The following HDAC9 variants were observed in gnomAD, a reference collection of about 807,000 sequenced individuals.
The protein encoded by HDAC9 is histone deacetylase 9.
In HDAC9, 41 loss-of-function variants were observed where a neutral mutation model predicts 139.4. The ratio of observed to expected loss-of-function variants is 0.29; its 90% CI spans 0.23 to 0.38. The LOEUF is 0.38. HDAC9 is among the 10% of genes least tolerant of loss of function. The pLI, the probability that HDAC9 is intolerant of heterozygous loss-of-function variation, is 1.00. For missense variants in HDAC9, 1,147 were observed against 1,297.0 expected (o/e 0.88, Z 1.78); for synonymous variants, 517 against 476.2 (o/e 1.09, Z -1.12).
chr7:18,131,585 A>G (rs1235807264), intron 1 of HDAC9, among the ~76,000 whole-genome samples: 1 of 152,180 alleles, frequency 6.6e-6, no homozygotes, highest in Non-Finnish European at 1.5e-5. Context: ...CTTCTGAAAT[A>G]AATTGTAGAG....
At chr7:18,247,004 C>G (rs780204738) in intron 2 of HDAC9, among the ~76,000 whole-genome samples, 23 of 151,990 alleles carry the variant, frequency 1.5e-4, no homozygotes, top group Non-Finnish European at 2.1e-4. Context: ...CTAACGTGAG[C>G]AACTGGAAGG....
Position 18,713,090 on chromosome 7 carries a change from G to A in HDAC9, c.1732-14490G>A, listed in dbSNP as rs997958502. ...GTAACTGAAGTTAACATAACTTGAC[G>A]CAAAAGCAATGCAAGTTGTATAGCA... On this transcript the variant is annotated intron_variant, in intron 12 of 25. Transcript: ENST00000686413. Among the ~76,000 whole-genome samples, 16 of 152,142 alleles carry A rather than the reference G, an allele frequency of 1.1e-4. No individual in the cohort carries two copies. The East Asian group carries it at 2.1e-3, about 20-fold the overall frequency.
intron 16 of HDAC9, among the ~76,000 whole-genome samples, chr7:18,784,998 G>A (rs1178658708): frequency 7.9e-5 from 12 of 151,412 alleles, no homozygotes; most frequent in Non-Finnish European, 1.6e-4. Flanking sequence ...TGTGTGTTTT[G>A]TATAGACTCA....
intron 22 of HDAC9, among the ~76,000 whole-genome samples, chr7:18,901,631 A>G (rs1801733268): frequency 6.6e-6 from 1 of 152,182 alleles, no homozygotes; most frequent in Non-Finnish European, 1.5e-5. Context: ...ACCTCATTGT[A>G]TAGTATGGGT....
intron 12 of HDAC9, chr7:18,668,773 G>A: frequency 2.0e-6 from 2 of 982,058 alleles, no homozygotes; most frequent in Non-Finnish European, 2.4e-6. Flanking sequence ...TAAATATATT[G>A]TTTGTATGTT....
intron 1 of HDAC9, among the ~76,000 whole-genome samples, chr7:18,429,563 GTC>G (rs138680294): frequency 0.036 from 5,224 of 146,356 alleles, 110 homozygotes; most frequent in African/African-American, 0.077. Flanking sequence ...GTGTGTGTGT[GTC>G]TGTGTGTGTG....
rs1381325984 is a variant in HDAC9 at position 18,653,313 on chromosome 7, A to T, written c.1467+4630A>T. 2.6e-5 allele frequency among the ~76,000 whole-genome samples: 4 copies of T among 151,348 alleles called. No homozygotes were observed. In the East Asian group the frequency reaches 7.8e-4, roughly 29 times the overall value. ...AGGAGACATAAGAAAGAAAACTGAT[A>T]TCTTTAAGGAAATAAAATTTGAGTT... On this transcript the variant is annotated intron_variant, in intron 11 of 25. Coordinates refer to ENST00000686413, the MANE Select transcript of HDAC9 (RefSeq NM_178425.4).
chr7:18,969,796 T>A (rs756973645), intron 24 of HDAC9, among the ~76,000 whole-genome samples: 2 of 152,180 alleles, frequency 1.3e-5, no homozygotes, highest in Non-Finnish European at 2.9e-5. Flanking sequence ...GCATCTGAAT[T>A]TGGTAAAATT....
At chr7:18,703,623 C>T (rs138674065) in intron 12 of HDAC9, among the ~76,000 whole-genome samples, 1 of 152,224 alleles carries the variant, frequency 6.6e-6, no homozygotes, top group East Asian at 1.9e-4. Context: ...ACGTAGTGAA[C>T]TAATGCATGC....
At chr7:18,445,668 A>G (rs985252898) in intron 1 of HDAC9, among the ~76,000 whole-genome samples, 1 of 152,218 alleles carries the variant, frequency 6.6e-6, no homozygotes, top group African/African-American at 2.4e-5. Flanking sequence ...AACCAGGCCT[A>G]TCTATTCCCA....
intron 11 of HDAC9, among the ~76,000 whole-genome samples, chr7:18,660,566 A>G (rs1792798201): frequency 6.6e-6 from 1 of 152,202 alleles, no homozygotes; most frequent in East Asian, 1.9e-4. Context: ...CTTATGCCCT[A>G]TGAGATTTAT....
At chr7:18,781,293 C>T (rs999709356) in intron 16 of HDAC9, among the ~76,000 whole-genome samples, 10 of 152,146 alleles carry the variant, frequency 6.6e-5, no homozygotes, top group Middle Eastern at 3.4e-3. Context: ...CAGTCCATAA[C>T]GATATTAATG....
intron 1 of HDAC9, among the ~76,000 whole-genome samples, chr7:18,406,123 T>A (rs984965652): frequency 6.6e-6 from 1 of 152,242 alleles, no homozygotes; most frequent in African/African-American, 2.4e-5. Context: ...TTAAAAATAC[T>A]GATAATTCAG....
chr7:18,705,209 C>T (rs1783790437), intron 12 of HDAC9, among the ~76,000 whole-genome samples: 1 of 152,202 alleles, frequency 6.6e-6, no homozygotes, highest in African/African-American at 2.4e-5. Flanking sequence ...ACTAATGACA[C>T]TACTGACTTG....
chr7:18,923,273 G>A (rs1285278807), intron 22 of HDAC9, among the ~76,000 whole-genome samples: 3 of 151,984 alleles, frequency 2.0e-5, no homozygotes, highest in Non-Finnish European at 4.4e-5. Context: ...CACACTCTAA[G>A]GTTAGAGCAA....
chr7:18,183,083 C>G (rs939536209), intron 2 of HDAC9, among the ~76,000 whole-genome samples: 7 of 151,434 alleles, frequency 4.6e-5, no homozygotes, highest in Non-Finnish European at 5.9e-5. Context: ...AATCTCGGCT[C>G]ACTGCAAGCT....
intron 1 of HDAC9, among the ~76,000 whole-genome samples, chr7:18,393,678 C>G (rs1451814102): frequency 2.6e-5 from 4 of 152,044 alleles, no homozygotes; most frequent in African/African-American, 9.7e-5. Context: ...CTCCCATTTC[C>G]CATTCCTGCT....
chr7:18,925,978 A>C (rs1293310953), intron 22 of HDAC9, among the ~76,000 whole-genome samples: 2 of 152,078 alleles, frequency 1.3e-5, no homozygotes, highest in Non-Finnish European at 2.9e-5. Flanking sequence ...TCCACTTCTT[A>C]AAACGATAGA....
intron 16 of HDAC9, among the ~76,000 whole-genome samples, chr7:18,789,049 A>G (rs965542847): frequency 1.3e-5 from 2 of 152,142 alleles, no homozygotes; most frequent in Non-Finnish European, 2.9e-5. Context: ...AAATAATCAT[A>G]TTCTTTCGAT....
Sources: allele counts gnomAD v4.1 joint callset (sites outside exome capture counted in the v4.1 genomes callset), GRCh38; gene constraint gnomAD v4.1.1; transcripts MANE v1.5; gene names NCBI Gene and HGNC (gene_info 2026-07-23, HGNC 2026-07-21).